The following PLXNA4 variants were observed in gnomAD, a reference collection of about 807,000 sequenced individuals.
The protein encoded by PLXNA4 is plexin-A4.
A neutral mutation model predicts 191.8 loss-of-function variants in PLXNA4; 44 were observed. The ratio of observed to expected loss-of-function variants is 0.23; its 90% CI spans 0.18 to 0.29. PLXNA4 has a LOEUF of 0.29. Among genes scored for constraint, PLXNA4 ranks in the 10% least tolerant of loss-of-function variants. The pLI, the probability that PLXNA4 is intolerant of heterozygous loss-of-function variation, is 1.00. For synonymous variants in PLXNA4, 1,082 were observed against 1,009.5 expected, an observed-to-expected ratio of 1.07 and a Z score of -1.36; for missense variants, 1,800 against 2,488.8, an observed-to-expected ratio of 0.72 and a Z score of 5.89.
At chr7:132,645,113 T>C (rs1803841609) in intron 2 of PLXNA4, among the ~76,000 whole-genome samples, 1 of 152,208 alleles carries the variant, frequency 6.6e-6, no homozygotes, top group African/African-American at 2.4e-5. Context: ...TTACTAACGA[T>C]GCCCATTAAG....
At chr7:132,385,047 C>T in intron 3 of PLXNA4, 3 of 1,467,896 alleles carry the variant, frequency 2.0e-6, no homozygotes, top group Non-Finnish European at 2.7e-6. Context: ...TCTTTTTTCC[C>T]TAAGGACTTG....
chr7:132,363,476 CAT>C (rs1386213248), intron 3 of PLXNA4, among the ~76,000 whole-genome samples: 1 of 152,208 alleles, frequency 6.6e-6, no homozygotes, highest in Non-Finnish European at 1.5e-5. Context: ...TTTCACTTAG[CAT>C]ATGTCTTCAA....
In PLXNA4 at chr7:132,211,111, G is replaced by C. The variant is rs776896102; in HGVS notation, c.2130C>G (p.Ile710Met). 1.9e-6 allele frequency: 3 copies of C among 1,573,756 alleles called. No individual in the cohort carries two copies. The highest frequency in any genetic ancestry group is 2.6e-6 in the Non-Finnish European group (3 of 1,159,212). The change falls in exon 10 of 32, where the codon ATC (isoleucine) becomes ATG (methionine). Residue 710 changes from isoleucine to methionine, a missense_variant. This residue lies in a region of PLXNA4 where 1,397 missense variants were observed against 1,880.4 expected (regional missense o/e 0.74). Transcript: ENST00000321063. ...GCTTGATCACCTCCACGGGCACCAG[G>C]ATCTTGTCCACTCGCAGCAGCTGGG... ...DCPQLLRVDKILVPVEVIKPI... is the reference protein window; with the variant it reads ...DCPQLLRVDKMLVPVEVIKPI...
chr7:132,307,138 A>G (rs1801554585), intron 3 of PLXNA4, among the ~76,000 whole-genome samples: 1 of 152,050 alleles, frequency 6.6e-6, no homozygotes, highest in Admixed American at 6.5e-5. Context: ...CCAGGCCCTC[A>G]CTGCCAATAT....
Position 132,147,850 on chromosome 7 carries a change from C to T in PLXNA4, c.4864+50G>A. On this transcript the variant is annotated intron_variant, in intron 27 of 31. Transcript: ENST00000321063. ...TCTGGCTATGCTGCTGTCATGACAACAGCTGCTCAGGACACCCAGGCCTCC... is the reference window on the plus strand; with the variant it reads ...TCTGGCTATGCTGCTGTCATGACAATAGCTGCTCAGGACACCCAGGCCTCC... 3.1e-6 allele frequency: 5 copies of T among 1,612,168 alleles called. No individual in the cohort carries two copies. In the South Asian group the frequency reaches 3.3e-5, roughly 11 times the overall value.
chr7:132,539,227 G>A (rs11769558), intron 1 of PLXNA4, among the ~76,000 whole-genome samples: 15,311 of 152,200 alleles, frequency 0.1, 1,031 homozygotes, highest in Non-Finnish European at 0.14. Context: ...CACAAAGACC[G>A]TGCCCTGTCC....
At chr7:132,514,078 G>A (rs1798844701) in intron 1 of PLXNA4, among the ~76,000 whole-genome samples, 1 of 150,764 alleles carries the variant, frequency 6.6e-6, no homozygotes, top group Non-Finnish European at 1.5e-5. Context: ...TTGAGACAGA[G>A]TCTCACTCTG....
chr7:132,603,611 A>G (rs1802862447), intron 2 of PLXNA4, among the ~76,000 whole-genome samples: 1 of 152,184 alleles, frequency 6.6e-6, no homozygotes, highest in Admixed American at 6.5e-5. Context: ...TAGAGAAGCC[A>G]CTGCTGAAAG....
rs184272809 is a variant in PLXNA4, at chr7:132,184,405, C to T, written c.3158+894G>A. 4.0e-3 allele frequency among the ~76,000 whole-genome samples: 611 copies of T among 152,350 alleles called. 3 individuals carry two copies. Among genetic ancestry groups the T allele is most frequent in the Non-Finnish European group, 7.1e-3 (483 of 68,024 alleles). On this transcript the variant is annotated intron_variant, in intron 16 of 31. Coordinates refer to ENST00000321063, the MANE Select transcript of PLXNA4 (RefSeq NM_020911.2). ...TCCCACGCTGCCCCTGTTACAGTGA[C>T]TTCCCAGTGACCTCTGTGAGCTTTG...
intron 9 of PLXNA4, among the ~76,000 whole-genome samples, chr7:132,220,176 C>T (rs1419525761): frequency 1.3e-5 from 2 of 152,238 alleles, no homozygotes; most frequent in Non-Finnish European, 2.9e-5. Flanking sequence ...GTTCTGAGGA[C>T]AATGACCTCC....
intron 3 of PLXNA4, among the ~76,000 whole-genome samples, chr7:132,328,466 C>T (rs747631265): frequency 2.6e-5 from 4 of 152,060 alleles, no homozygotes; most frequent in Non-Finnish European, 4.4e-5. Context: ...CTAATAGGAG[C>T]GGGGGGGCCT....
At chr7:132,144,988 C>G (rs1795376190) in intron 29 of PLXNA4, 131 bp downstream of exon 29, 17 of 1,345,676 alleles carry the variant, frequency 1.3e-5, no homozygotes, top group Non-Finnish European at 1.6e-5. Flanking sequence ...AATGTGCCTG[C>G]TCAGAGTCCC....
At chr7:132,229,650 G>A (rs1386662044) in intron 5 of PLXNA4, among the ~76,000 whole-genome samples, 2 of 152,144 alleles carry the variant, frequency 1.3e-5, no homozygotes, top group African/African-American at 4.8e-5. Context: ...GAAGGAAGAT[G>A]TCAGGAGCTG....
chr7:132,262,097 G>C (rs146610693), intron 4 of PLXNA4, among the ~76,000 whole-genome samples: 1 of 152,108 alleles, frequency 6.6e-6, no homozygotes, highest in African/African-American at 2.4e-5. Context: ...TCCTTTCCCC[G>C]GGTTGCCCCC....
At chr7:132,334,379 T>A (rs1802732271) in intron 3 of PLXNA4, among the ~76,000 whole-genome samples, 1 of 147,758 alleles carries the variant, frequency 6.8e-6, no homozygotes, top group Non-Finnish European at 1.5e-5. Flanking sequence ...TGCCATAGCC[T>A]CCCAAGTAGC....
At chr7:132,293,290 A>G (rs988316219) in intron 4 of PLXNA4, among the ~76,000 whole-genome samples, 1 of 152,224 alleles carries the variant, frequency 6.6e-6, no homozygotes, top group Non-Finnish European at 1.5e-5. Flanking sequence ...GTAATTTACA[A>G]AGAAAAAGAG....
chr7:132,526,197 G>A (rs561487449), intron 1 of PLXNA4, among the ~76,000 whole-genome samples: 2 of 152,258 alleles, frequency 1.3e-5, no homozygotes, highest in South Asian at 2.1e-4. Flanking sequence ...GAGAAGCAAC[G>A]GGTGCGAGTG....
chr7:132,270,307 T>G (rs908728056), intron 4 of PLXNA4, among the ~76,000 whole-genome samples: 2 of 152,134 alleles, frequency 1.3e-5, no homozygotes, highest in Non-Finnish European at 1.5e-5. Flanking sequence ...GAGGGAGAGA[T>G]TCACAGACAA....
intron 3 of PLXNA4, among the ~76,000 whole-genome samples, chr7:132,315,313 T>A (rs1477922887): frequency 6.6e-6 from 1 of 152,198 alleles, no homozygotes; most frequent in Non-Finnish European, 1.5e-5. Flanking sequence ...AAATAAGATT[T>A]GGCTGGTTTC....
Sources: gnomAD v4.1 joint callset for allele counts (sites outside exome capture counted in the v4.1 genomes callset) on GRCh38, gnomAD v4.1.1 for gene constraint, gnomAD v4.1.1 regional missense constraint, MANE v1.5 for transcripts, NCBI Gene and HGNC (gene_info 2026-07-23, HGNC 2026-07-21) for gene names.